GPC5: variants seen among roughly 807,000 people sequenced by gnomAD.
The protein encoded by GPC5 is glypican 5, also known as glypican-5.
In GPC5, 47 loss-of-function variants were observed where a neutral mutation model predicts 53.9. That is an observed-to-expected ratio of 0.87 (90% CI 0.69 to 1.11). The LOEUF is 1.11. GPC5 is among the 50% of genes most tolerant of loss of function. The pLI, the probability that GPC5 is intolerant of heterozygous loss-of-function variation, is 0.00. For synonymous variants in GPC5, 286 were observed against 263.3 expected (o/e 1.09, Z -0.84); for missense variants, 748 against 713.1 (o/e 1.05, Z -0.56).
intron 7 of GPC5, among the ~76,000 whole-genome samples, chr13:92,353,043 G>A (rs1195055292): frequency 6.6e-6 from 1 of 151,900 alleles, no homozygotes; most frequent in African/African-American, 2.4e-5. Context: ...GGTGGATCAT[G>A]AGGTCAGGAG....
intron 7 of GPC5, among the ~76,000 whole-genome samples, chr13:92,530,463 T>C (rs1881521891): frequency 6.6e-6 from 1 of 152,104 alleles, no homozygotes. Flanking sequence ...AAGAATGGCA[T>C]TGAAGTTTTT....
intron 7 of GPC5, among the ~76,000 whole-genome samples, chr13:92,729,018 G>T (rs1407407855): frequency 6.6e-6 from 1 of 151,244 alleles, no homozygotes; most frequent in Non-Finnish European, 1.5e-5. Context: ...CTGGTTTGGT[G>T]CTTTGCTTGC....
At chr13:92,428,414 A>G (rs937836359) in intron 7 of GPC5, among the ~76,000 whole-genome samples, 14 of 152,184 alleles carry the variant, frequency 9.2e-5, no homozygotes, top group African/African-American at 3.1e-4. Context: ...GTATCCACCC[A>G]TAAATCCTCA....
chr13:92,550,181 T>C (rs1353255044), intron 7 of GPC5, among the ~76,000 whole-genome samples: 1 of 151,888 alleles, frequency 6.6e-6, no homozygotes, highest in East Asian at 1.9e-4. Flanking sequence ...ATGTATTATT[T>C]GATTCCAATA....
In GPC5 at chr13:92,125,923, G is replaced by T. The variant is rs28600202; in HGVS notation, c.1402-18907G>T. Among the ~76,000 whole-genome samples, 157 of 41,548 alleles carry T rather than the reference G, an allele frequency of 3.8e-3. 14 individuals carry two copies. The highest frequency in any genetic ancestry group is 0.021 in the East Asian group (10 of 474). 27.3% of individuals were successfully genotyped at this position (41,548 alleles called of 152,430 possible). On this transcript the variant is annotated intron_variant, in intron 6 of 7. Coordinates refer to ENST00000377067, the MANE Select transcript of GPC5 (RefSeq NM_004466.6). ...ATTAGAAAGGAAACATTTGTTTTTT[G>T]GTTTTTTTTTTTTTTTTTTTTTTTT...
chr13:91,903,648 G>A lies in GPC5; in HGVS notation c.1281-4289G>A, dbSNP rs572051528. ...TAAATCACATTTCATTTGAAGTAATGTGTGTCTACTTTGCAGTATTTTTCC... is the reference window on the plus strand; with the variant it reads ...TAAATCACATTTCATTTGAAGTAATATGTGTCTACTTTGCAGTATTTTTCC... On this transcript the variant is annotated intron_variant, in intron 5 of 7. Coordinates refer to ENST00000377067, the MANE Select transcript of GPC5 (RefSeq NM_004466.6). Among the ~76,000 whole-genome samples, 512 of 152,246 alleles carry A rather than the reference G, an allele frequency of 3.4e-3. 2 individuals carry two copies. The highest frequency in any genetic ancestry group is 0.012 in the African/African-American group (495 of 41,550).
At chr13:91,849,889 AATAATTC>A (rs11277646) in intron 5 of GPC5, among the ~76,000 whole-genome samples, 28,488 of 152,018 alleles carry the variant, frequency 0.19, 2,933 homozygotes, top group East Asian at 0.31. Context: ...GGGACTAAGA[AATAATTC>A]ATACCTTCAG....
At chr13:92,394,797 C>T (rs369736538) in intron 7 of GPC5, among the ~76,000 whole-genome samples, 1 of 152,050 alleles carries the variant, frequency 6.6e-6, no homozygotes, top group Admixed American at 6.6e-5. Flanking sequence ...TTATATACTT[C>T]TACAATAAAA....
chr13:91,620,884 G>T (rs980219869), intron 2 of GPC5, among the ~76,000 whole-genome samples: 1 of 151,950 alleles, frequency 6.6e-6, no homozygotes, highest in African/African-American at 2.4e-5. Context: ...CCTAAAGATG[G>T]TCTGCTGAGT....
chr13:91,891,851 G>T (rs767622381), intron 5 of GPC5, among the ~76,000 whole-genome samples: 3 of 151,886 alleles, frequency 2.0e-5, no homozygotes, highest in Non-Finnish European at 4.4e-5. Flanking sequence ...AAAGTTATTC[G>T]AAACTTCCAT....
At chr13:91,647,439 A>G (rs1183490719) in intron 2 of GPC5, among the ~76,000 whole-genome samples, 3 of 152,212 alleles carry the variant, frequency 2.0e-5, no homozygotes, top group Non-Finnish European at 4.4e-5. Context: ...TAGTGATGGC[A>G]ATGGCCTTGC....
chr13:91,806,021 ATTTTTTTTTTTTTTT>A (rs71113764), intron 5 of GPC5, among the ~76,000 whole-genome samples: 679 of 48,730 alleles, frequency 0.014, 12 homozygotes, highest in African/African-American at 0.055. Flanking sequence ...AAATACAATA[ATTTTTTTTTTTTTTT>A]TTTTTTTTTT....
chr13:92,164,068 C>A (rs1220624689), intron 7 of GPC5, among the ~76,000 whole-genome samples: 1 of 152,088 alleles, frequency 6.6e-6, no homozygotes, highest in Non-Finnish European at 1.5e-5. Flanking sequence ...GATTCAGTTA[C>A]CTCCCAAGAG....
At chr13:91,764,075 C>T (rs74106513) in intron 5 of GPC5, among the ~76,000 whole-genome samples, 2,493 of 151,812 alleles carry the variant, frequency 0.016, 61 homozygotes, top group African/African-American at 0.057. Flanking sequence ...CGTGGTTGGT[C>T]GAATCCTTGA....
intron 7 of GPC5, among the ~76,000 whole-genome samples, chr13:92,546,616 C>T (rs915488586): frequency 4.6e-5 from 7 of 152,104 alleles, no homozygotes; most frequent in African/African-American, 1.7e-4. Flanking sequence ...AGATTCAATG[C>T]CATCCCCATC....
chr13:92,397,433 A>T (rs1875335715), intron 7 of GPC5, among the ~76,000 whole-genome samples: 1 of 152,236 alleles, frequency 6.6e-6, no homozygotes, highest in Non-Finnish European at 1.5e-5. Flanking sequence ...GAGGCTCCCC[A>T]GCCACATTGA....
chr13:92,544,389 A>G (rs1178147892), intron 7 of GPC5, among the ~76,000 whole-genome samples: 1 of 152,232 alleles, frequency 6.6e-6, no homozygotes, highest in Non-Finnish European at 1.5e-5. Context: ...GAATTGTCTC[A>G]TAAAAATGTG....
chr13:92,395,924 A>G (rs1029273939), intron 7 of GPC5, among the ~76,000 whole-genome samples: 1 of 114,432 alleles, frequency 8.7e-6, no homozygotes, highest in African/African-American at 3.2e-5. Flanking sequence ...TTTTTTTTGT[A>G]TTTTTCTTTA....
chr13:92,018,144 C>A (rs545330460), intron 6 of GPC5, among the ~76,000 whole-genome samples: 3 of 152,158 alleles, frequency 2.0e-5, no homozygotes, highest in African/African-American at 7.2e-5. Context: ...AAATGCAACC[C>A]CGGTGCAACA....
Sources: allele counts gnomAD v4.1 joint callset (sites outside exome capture counted in the v4.1 genomes callset), GRCh38; gene constraint gnomAD v4.1.1; transcripts MANE v1.5; gene names NCBI Gene and HGNC (gene_info 2026-07-23, HGNC 2026-07-21).